The following FILIP1L variants were observed in gnomAD, a reference collection of about 807,000 sequenced individuals.
FILIP1L encodes filamin A interacting protein 1 like.
A neutral mutation model predicts 96.6 loss-of-function variants in FILIP1L; 55 were observed. The ratio of observed to expected loss-of-function variants is 0.57; its 90% CI spans 0.46 to 0.71. The LOEUF (loss-of-function observed/expected upper bound fraction) is 0.71, where lower values mean the gene tolerates loss of function less well. Ranked by LOEUF, FILIP1L falls within the 30% of genes least tolerant of loss-of-function variation. The pLI is 0.00. For missense variants in FILIP1L, 1,304 were observed against 1,321.2 expected (o/e 0.99, Z 0.20); for synonymous variants, 467 against 473.9 (o/e 0.99, Z 0.19).
intron 4 of FILIP1L, among the ~76,000 whole-genome samples, chr3:99,901,542 C>T (rs1199725034): frequency 2.0e-5 from 3 of 152,140 alleles, no homozygotes; most frequent in Non-Finnish European, 2.9e-5. Context: ...GCCAGATGTT[C>T]GTCGGGAAAG....
chr3:99,899,205 A>T (rs1369430795), intron 4 of FILIP1L, among the ~76,000 whole-genome samples: 1 of 152,142 alleles, frequency 6.6e-6, no homozygotes, highest in African/African-American at 2.4e-5. Flanking sequence ...ATGTTCGTTG[A>T]TCTTTATTTT....
At chr3:100,012,530 G>A (rs1330971648) in intron 1 of FILIP1L, among the ~76,000 whole-genome samples, 2 of 151,910 alleles carry the variant, frequency 1.3e-5, no homozygotes, top group Non-Finnish European at 2.9e-5. Flanking sequence ...AGAAACTTAT[G>A]GGAATAAGAA....
intron 1 of FILIP1L, among the ~76,000 whole-genome samples, chr3:100,080,006 C>G (rs191958067): frequency 1.4e-4 from 21 of 152,132 alleles, no homozygotes; most frequent in African/African-American, 4.8e-4. Flanking sequence ...TCAAGCAACT[C>G]AGAATTCACC....
At chr3:99,994,995 C>T (rs572404552) in intron 1 of FILIP1L, among the ~76,000 whole-genome samples, 7 of 152,260 alleles carry the variant, frequency 4.6e-5, no homozygotes, top group Admixed American at 3.9e-4. Flanking sequence ...CCCCTGGCCC[C>T]TCCAAATCTC....
intron 1 of FILIP1L, among the ~76,000 whole-genome samples, chr3:100,113,768 C>G (rs1033472438): frequency 2.0e-5 from 3 of 152,292 alleles, no homozygotes; most frequent in African/African-American, 7.2e-5. Flanking sequence ...CCATCTTACT[C>G]TTAACAGGAT....
At chr3:99,887,734 T>C (rs1392763640) in intron 4 of FILIP1L, among the ~76,000 whole-genome samples, 3 of 152,186 alleles carry the variant, frequency 2.0e-5, no homozygotes, top group African/African-American at 7.2e-5. Context: ...AATATAGATA[T>C]GGATATGATG....
intron 1 of FILIP1L, among the ~76,000 whole-genome samples, chr3:99,974,695 G>T (rs1016333328): frequency 6.6e-6 from 1 of 151,986 alleles, no homozygotes; most frequent in African/African-American, 2.4e-5. Flanking sequence ...TAACAAGAGC[G>T]AAACTCCATC....
intron 1 of FILIP1L, among the ~76,000 whole-genome samples, chr3:99,936,828 G>A (rs1707691252): frequency 2.0e-5 from 3 of 151,950 alleles, no homozygotes; most frequent in African/African-American, 7.3e-5. Context: ...CATAGTAAAG[G>A]AAAAATCCTG....
intron 1 of FILIP1L, among the ~76,000 whole-genome samples, chr3:99,977,938 T>C (rs1419536472): frequency 6.6e-6 from 1 of 151,882 alleles, no homozygotes; most frequent in Non-Finnish European, 1.5e-5. Flanking sequence ...GCAGGAAAAA[T>C]AGAAACAGGC....
chr3:99,848,110 T>C, intron 5 of FILIP1L, 185 bp downstream of exon 5: 8 of 1,450,582 alleles, frequency 5.5e-6, no homozygotes, highest in Non-Finnish European at 7.3e-6. Context: ...ACACTCGATA[T>C]GACTATGCAG....
chr3:99,952,095 A>G (rs953979872), intron 1 of FILIP1L, among the ~76,000 whole-genome samples: 1 of 152,140 alleles, frequency 6.6e-6, no homozygotes, highest in Non-Finnish European at 1.5e-5. Flanking sequence ...GTTAAAGAGA[A>G]TATATAGATT....
chr3:99,877,132 A>G (rs1273899387), intron 4 of FILIP1L, among the ~76,000 whole-genome samples: 1 of 152,218 alleles, frequency 6.6e-6, no homozygotes, highest in African/African-American at 2.4e-5. Flanking sequence ...AGTCATACCT[A>G]AAGTTCTAGC....
intron 4 of FILIP1L, among the ~76,000 whole-genome samples, chr3:99,880,682 A>T (rs1007655372): frequency 6.6e-6 from 1 of 152,048 alleles, no homozygotes; most frequent in African/African-American, 2.4e-5. Flanking sequence ...TTTTAAAATT[A>T]ATTTAAAATT....
rs372459054 is a variant in FILIP1L, at chr3:99,978,635, C to G, written c.-10-47605G>C. ...AGAGGCTGGGCACCAGGGCTCTCCC[C>G]TGTAATCCCAGGACTTTGGGTGTCC... On this transcript the variant is annotated intron_variant, in intron 1 of 5. Coordinates refer to ENST00000477258, the MANE Select transcript of FILIP1L (RefSeq NM_001387850.1). 2.8e-4 allele frequency among the ~76,000 whole-genome samples: 42 copies of G among 152,234 alleles called. No individual in the cohort carries two copies. In the East Asian group the frequency reaches 6.6e-3, roughly 24 times the overall value.
chr3:99,936,945 T>C (rs1707696152), intron 1 of FILIP1L, among the ~76,000 whole-genome samples: 1 of 152,204 alleles, frequency 6.6e-6, no homozygotes, highest in Non-Finnish European at 1.5e-5. Flanking sequence ...TTTCTTTCTT[T>C]TCTTTTTTTG....
At chr3:100,040,641 A>G (rs1397507727) in intron 1 of FILIP1L, 2 of 152,228 alleles carry the variant, frequency 1.3e-5, no homozygotes, top group Non-Finnish European at 1.5e-5. Flanking sequence ...GTCTTGGTTG[A>G]CAATACACAC....
chr3:99,924,508 GT>G, intron 3 of FILIP1L, 100 bp from the exon 4 acceptor site: 11 of 1,220,140 alleles, frequency 9.0e-6, no homozygotes, highest in South Asian at 2.7e-5. Context: ...TCGGCAGTGG[GT>G]TTTTTTGGTT....
At chr3:99,971,924 G>T (rs1190699975) in intron 1 of FILIP1L, among the ~76,000 whole-genome samples, 2 of 152,266 alleles carry the variant, frequency 1.3e-5, no homozygotes, top group Non-Finnish European at 2.9e-5. Context: ...ATGTAAACCT[G>T]GTTGCTGACC....
intron 1 of FILIP1L, among the ~76,000 whole-genome samples, chr3:100,050,901 A>C (rs1312097172): frequency 2.0e-5 from 3 of 152,168 alleles, no homozygotes; most frequent in African/African-American, 2.4e-5. Flanking sequence ...CTTTGGGAGC[A>C]TGGAAGTGGC....
Sources: allele counts gnomAD v4.1 joint callset (sites outside exome capture counted in the v4.1 genomes callset), GRCh38; gene constraint gnomAD v4.1.1; transcripts MANE v1.5; gene names NCBI Gene and HGNC (gene_info 2026-07-23, HGNC 2026-07-21).